Variants in TRAF3IP3 observed in about 807,000 individuals in gnomAD.
TRAF3IP3 encodes the protein TRAF3-interacting JNK-activating modulator.
TRAF3IP3 carries 64 observed loss-of-function variants against 86.5 expected under a neutral mutation model. That is an observed-to-expected ratio of 0.74 (90% CI 0.60 to 0.91). The LOEUF is 0.91. TRAF3IP3 is among the 40% of genes least tolerant of loss of function. The pLI is 0.00. For synonymous variants in TRAF3IP3, 220 were observed against 243.9 expected, an observed-to-expected ratio of 0.90 and a Z score of 0.91; for missense variants, 579 against 642.9, an observed-to-expected ratio of 0.90 and a Z score of 1.07.
chr1:209,763,551 G>A lies in TRAF3IP3; in HGVS notation c.666G>A (p.Leu222=). ...AAATGGTGATTCTCCAAGACCTACT[G>A]TCCACTCTGATTCAGGCCTCTGACA... The part of the protein sequence containing the change: ...KQKMVILQDL[L]STLIQASDSS... The change falls in exon 8 of 17, where the codon CTG becomes CTA. Residue 222 remains leucine, a synonymous_variant. Coordinates refer to ENST00000367025, the MANE Select transcript of TRAF3IP3 (RefSeq NM_025228.4). The A allele has an allele frequency of 6.2e-7, 1 of 1,614,182 alleles. No individual in the cohort carries two copies. The highest frequency in any genetic ancestry group is 8.5e-7 in the Non-Finnish European group (1 of 1,180,026).
chr1:209,771,345 GTGGAGGTGTGCGTGTGCAGC>G (rs1444581783), intron 8 of TRAF3IP3, among the ~76,000 whole-genome samples: 2 of 149,100 alleles, frequency 1.3e-5, no homozygotes, highest in African/African-American at 2.5e-5. Context: ...ATCTGTGCAT[GTGGAGGTGTGCGTGTGCAGC>G]TGGAGGTGTG....
intron 5 of TRAF3IP3, 65 bp from the exon 6 acceptor site, chr1:209,763,003 A>C: frequency 1.3e-6 from 2 of 1,597,072 alleles, no homozygotes; most frequent in Admixed American, 3.3e-5. Flanking sequence ...GAAGGAATCA[A>C]CCCACTGCCT....
At chr1:209,767,293 T>C (rs902116153) in intron 8 of TRAF3IP3, among the ~76,000 whole-genome samples, 2 of 152,188 alleles carry the variant, frequency 1.3e-5, no homozygotes, top group Admixed American at 6.5e-5. Context: ...CTATGCTTTA[T>C]TGAGGTATAA....
At chr1:209,778,087 T>A (rs754760167) in intron 12 of TRAF3IP3, 24 bp from the exon 13 acceptor site, 5 of 1,611,256 alleles carry the variant, frequency 3.1e-6, no homozygotes, top group Admixed American at 3.3e-5. Flanking sequence ...TCCTTTATTT[T>A]GGCTTGCATT....
chr1:209,767,266 G>C (rs1422464556), intron 8 of TRAF3IP3, among the ~76,000 whole-genome samples: 1 of 152,186 alleles, frequency 6.6e-6, no homozygotes, highest in Non-Finnish European at 1.5e-5. Flanking sequence ...TAGGTAATAA[G>C]CTGAGTAAGA....
chr1:209,772,144 C>G (rs1210516174), intron 8 of TRAF3IP3, among the ~76,000 whole-genome samples: 3 of 152,056 alleles, frequency 2.0e-5, no homozygotes. Context: ...GCTGCTATGA[C>G]AAAGTACCAC....
rs1421217255 is a variant in TRAF3IP3, at chr1:209,757,212, GGCT to G, written c.-160+904_-160+906del. Among the ~76,000 whole-genome samples the G allele has an allele frequency of 2.0e-5, 3 of 152,328 alleles. No homozygotes were observed. In the South Asian group the frequency reaches 6.2e-4, roughly 32 times the overall value. On this transcript the variant is annotated intron_variant, in intron 1 of 16. Transcript: ENST00000367025. ...CTGCAGCTCCTTTCTTGGGTAAGAA[GGCT>G]CCATGTCTGCCCCAAGGAAGCAGAG...
chr1:209,778,242 C>A, intron 13 of TRAF3IP3, 69 bp downstream of exon 13: 1 of 1,342,312 alleles, frequency 7.4e-7, no homozygotes, highest in Non-Finnish European at 1.1e-6. Flanking sequence ...AAAAGGCACC[C>A]AGAGTAGGGA....
At chr1:209,772,218 C>G (rs936686570) in intron 8 of TRAF3IP3, among the ~76,000 whole-genome samples, 2 of 152,098 alleles carry the variant, frequency 1.3e-5, no homozygotes, top group African/African-American at 4.8e-5. Context: ...AGTCTGAGAT[C>G]GAGGTGTCAG....
chr1:209,778,074 G>C (rs11807508), intron 12 of TRAF3IP3, 37 bp from the exon 13 acceptor site: 2 of 1,588,194 alleles, frequency 1.3e-6, no homozygotes, highest in Non-Finnish European at 1.7e-6. Context: ...TTAAGTCTTG[G>C]GTTCCTTTAT....
chr1:209,771,779 A>T (rs568945527), intron 8 of TRAF3IP3, among the ~76,000 whole-genome samples: 28 of 72,248 alleles, frequency 3.9e-4, no homozygotes, highest in Non-Finnish European at 6.6e-4. Flanking sequence ...GTGTATATGG[A>T]GGTGTGCGTG....
intron 11 of TRAF3IP3, chr1:209,776,094 CAAAG>C: frequency 5.4e-6 from 1 of 185,246 alleles, no homozygotes; most frequent in Non-Finnish European, 1.1e-5. Context: ...CCACTGTTGG[CAAAG>C]AAAGAATGTC....
chr1:209,782,227 C>T lies in TRAF3IP3; in HGVS notation c.*79C>T, dbSNP rs751458311. Reference sequence around the variant, plus strand: ...AAACTCAGAAGGTTTGGGTACATTACAGCTTGGGTTTTCCAACTGACTTAG... The same window carrying T: ...AAACTCAGAAGGTTTGGGTACATTATAGCTTGGGTTTTCCAACTGACTTAG... On this transcript the variant is annotated 3_prime_UTR_variant, in exon 17 of 17. Transcript: ENST00000367025. 48 of 1,151,398 alleles carry T rather than the reference C, an allele frequency of 4.2e-5. No homozygotes were observed. Among genetic ancestry groups the T allele is most frequent in the African/African-American group, 6.1e-5 (4 of 65,748 alleles). 71.3% of individuals were successfully genotyped at this position (1,151,398 alleles called of 1,614,324 possible). A position where few individuals can be genotyped will look rare whatever the true frequency, so the allele number is the denominator to read the frequency against.
chr1:209,781,345 T>G lies in TRAF3IP3; in HGVS notation c.1450T>G (p.Cys484Gly), dbSNP rs950507298. 1.4e-5 allele frequency: 23 copies of G among 1,607,160 alleles called. No homozygotes were observed. The highest frequency in any genetic ancestry group is 2.0e-5 in the Non-Finnish European group (23 of 1,174,430). ...TLQLQAKEKE[C>G]RELHSELDNL... ...ATGACTTTGGTGATGTTCTCCCCAGTGCAGAGAACTGCATTCAGAATTAGA... is the reference window on the plus strand; with the variant it reads ...ATGACTTTGGTGATGTTCTCCCCAGGGCAGAGAACTGCATTCAGAATTAGA... Residue 484 changes from cysteine (C) to glycine (G), a missense_variant and splice_region_variant, in exon 16 of 17, where the codon TGC (cysteine) becomes GGC (glycine). Physicochemically the swap from Cys to Gly is radical, Grantham distance 159. Coordinates refer to ENST00000367025, the MANE Select transcript of TRAF3IP3 (RefSeq NM_025228.4).
intron 9 of TRAF3IP3, among the ~76,000 whole-genome samples, chr1:209,774,729 G>A (rs911098934): frequency 6.6e-6 from 1 of 152,186 alleles, no homozygotes; most frequent in African/African-American, 2.4e-5. Flanking sequence ...GATTTATACA[G>A]GAAGTGGCAA....
chr1:209,777,399 G>A lies in TRAF3IP3; in HGVS notation c.1101G>A (p.Leu367=). Residue 367 remains leucine (L), a synonymous_variant, in exon 12 of 17, where the codon TTG becomes TTA. Transcript: ENST00000367025. ...DLQMNQALRF[L]ENEHQQLQAK... ...AGATGAACCAGGCCCTGCGATTTTT[G>A]GAAAATGAGCACCAGCAACTGCAGG... The A allele has an allele frequency of 6.2e-7, 1 of 1,613,910 alleles. No homozygotes were observed. Among genetic ancestry groups the A allele is most frequent in the Non-Finnish European group, 8.5e-7 (1 of 1,179,992 alleles).
chr1:209,775,265 A>C, intron 9 of TRAF3IP3, 84 bp from the exon 10 acceptor site: 16 of 1,387,214 alleles, frequency 1.2e-5, no homozygotes, highest in Non-Finnish European at 1.6e-5. Flanking sequence ...GGAAGAACCA[A>C]CTTCTTTTCA....
At chr1:209,763,692 T>A (rs2077288975) in intron 8 of TRAF3IP3, 105 bp downstream of exon 8, 1 of 956,178 alleles carries the variant, frequency 1.0e-6, no homozygotes, top group African/African-American at 1.7e-5. Flanking sequence ...TTCTCACTAC[T>A]GAAAAGTAAG....
intron 8 of TRAF3IP3, among the ~76,000 whole-genome samples, chr1:209,772,441 G>A (rs1361978405): frequency 1.3e-5 from 2 of 152,124 alleles, no homozygotes; most frequent in Non-Finnish European, 2.9e-5. Flanking sequence ...GGGCACTCGG[G>A]GCTTAGGACT....
Sources: allele counts gnomAD v4.1 joint callset (sites outside exome capture counted in the v4.1 genomes callset), GRCh38; gene constraint gnomAD v4.1.1; transcripts MANE v1.5; gene names NCBI Gene and HGNC (gene_info 2026-07-23, HGNC 2026-07-21).